ELOVL7: variants seen among roughly 807,000 people sequenced by gnomAD.
ELOVL7 encodes ELOVL fatty acid elongase 7.
In ELOVL7, 27 loss-of-function variants were observed where a neutral mutation model predicts 35.7. That is an observed-to-expected ratio of 0.76 (90% CI 0.56 to 1.04). The LOEUF is 1.04. Ranked by LOEUF, ELOVL7 falls within the 50% of genes least tolerant of loss-of-function variation. The pLI, the probability that ELOVL7 is intolerant of heterozygous loss-of-function variation, is 0.00. For missense variants in ELOVL7, 327 were observed against 340.8 expected, an observed-to-expected ratio of 0.96 and a Z score of 0.32; for synonymous variants, 113 against 114.6, an observed-to-expected ratio of 0.99 and a Z score of 0.09.
At chr5:60,840,150 C>A (rs1561480367) in intron 1 of ELOVL7, among the ~76,000 whole-genome samples, 7 of 152,160 alleles carry the variant, frequency 4.6e-5, no homozygotes, top group Admixed American at 3.3e-4. Context: ...CTTTTATGCA[C>A]ATTTGAAAAC....
intron 7 of ELOVL7, among the ~76,000 whole-genome samples, chr5:60,761,468 A>C (rs938071235): frequency 6.6e-6 from 1 of 152,168 alleles, no homozygotes. Context: ...AGCGCCAAAC[A>C]ACATTTCTGG....
At chr5:60,764,460 A>C (rs1176238819) in intron 6 of ELOVL7, 128 bp from the exon 7 acceptor site, 3 of 718,190 alleles carry the variant, frequency 4.2e-6, no homozygotes, top group Non-Finnish European at 6.9e-6. Context: ...TGCCTTATAG[A>C]ATGCTTACAG....
intron 3 of ELOVL7, among the ~76,000 whole-genome samples, chr5:60,773,559 A>C (rs565510302): frequency 2.0e-5 from 3 of 152,318 alleles, no homozygotes; most frequent in African/African-American, 7.2e-5. Context: ...CCCCTCTCAA[A>C]AAAAATAAAG....
chr5:60,757,577 G>T lies in ELOVL7; in HGVS notation c.568C>A (p.Leu190Ile), dbSNP rs774313366. 4.3e-6 allele frequency: 7 copies of T among 1,613,272 alleles called. No individual in the cohort carries two copies. Among genetic ancestry groups the T allele is most frequent in the Non-Finnish European group, 5.9e-6 (7 of 1,179,414 alleles). The change falls in exon 8 of 9, where the codon CTT becomes ATT. Residue 190 changes from leucine to isoleucine, a missense_variant. Leu to Ile is a conservative substitution (Grantham distance 5). Coordinates refer to ENST00000508821, the MANE Select transcript of ELOVL7 (RefSeq NM_024930.3). ...VHVVMYSYYG[L>I]SALGPAYQKY... ...TGGTAGGCTGGCCCCAATGCAGAAA[G>T]TCCATAGTAGGAATACATGACTACA...
chr5:60,835,400 A>T (rs1746735274), intron 1 of ELOVL7, among the ~76,000 whole-genome samples: 1 of 151,778 alleles, frequency 6.6e-6, no homozygotes, highest in African/African-American at 2.4e-5. Context: ...AGTTTTTACA[A>T]TTTCTGTTTT....
intron 2 of ELOVL7, among the ~76,000 whole-genome samples, chr5:60,794,592 T>C (rs1561447753): frequency 1.3e-5 from 2 of 152,242 alleles, no homozygotes; most frequent in Admixed American, 1.3e-4. Context: ...AGATTTATTC[T>C]AATTCTGCAA....
intron 2 of ELOVL7, among the ~76,000 whole-genome samples, chr5:60,788,041 C>A (rs1743705118): frequency 6.6e-6 from 1 of 152,054 alleles, no homozygotes; most frequent in Admixed American, 6.6e-5. Flanking sequence ...GAGAAACTAG[C>A]CTTATTATGT....
At chr5:60,761,982 A>G (rs368246554) in intron 7 of ELOVL7, among the ~76,000 whole-genome samples, 4 of 152,256 alleles carry the variant, frequency 2.6e-5, no homozygotes, top group African/African-American at 9.6e-5. Flanking sequence ...GTGTGGAGAT[A>G]AATCATATTA....
intron 1 of ELOVL7, among the ~76,000 whole-genome samples, chr5:60,802,117 TACAC>T (rs34511373): frequency 1.2e-3 from 14 of 12,114 alleles, no homozygotes; most frequent in African/African-American, 2.6e-3. Context: ...TATATATATA[TACAC>T]ACACACACAC....
At position 60,761,802 on chromosome 5, in the gene ELOVL7, T is replaced by C. The variant is rs184117390; in HGVS notation, c.499+2425A>G. 4.9e-4 allele frequency among the ~76,000 whole-genome samples: 75 copies of C among 152,234 alleles called. 1 individual carries two copies. The highest frequency in any genetic ancestry group is 6.8e-3 in the Middle Eastern group (2 of 294). ...AGAGTTCTGGTGAATAAATAGTGCATAGTGCTCCTAGAAAAATTGTAGCAG... is the reference window on the plus strand; with the variant it reads ...AGAGTTCTGGTGAATAAATAGTGCACAGTGCTCCTAGAAAAATTGTAGCAG... On this transcript the variant is annotated intron_variant, in intron 7 of 8. Coordinates refer to ENST00000508821, the MANE Select transcript of ELOVL7 (RefSeq NM_024930.3).
At chr5:60,817,403 T>C (rs968743099) in intron 1 of ELOVL7, among the ~76,000 whole-genome samples, 5 of 151,634 alleles carry the variant, frequency 3.3e-5, no homozygotes, top group African/African-American at 1.2e-4. Flanking sequence ...ATCATTTTAC[T>C]TATCAGATTG....
At chr5:60,840,108 T>C (rs1747076612) in intron 1 of ELOVL7, among the ~76,000 whole-genome samples, 1 of 152,160 alleles carries the variant, frequency 6.6e-6, no homozygotes, top group Non-Finnish European at 1.5e-5. Context: ...CTTTCTCAAT[T>C]TGCCTAGAAA....
chr5:60,780,578 C>T (rs536757894), intron 3 of ELOVL7, among the ~76,000 whole-genome samples: 6 of 152,246 alleles, frequency 3.9e-5, no homozygotes, highest in Non-Finnish European at 8.8e-5. Flanking sequence ...TCTCACACTG[C>T]TATGAAGAAA....
chr5:60,766,462 G>A, intron 6 of ELOVL7, 112 bp downstream of exon 6: 1 of 899,232 alleles, frequency 1.1e-6, no homozygotes, highest in Non-Finnish European at 1.7e-6. Flanking sequence ...AATAACCAAA[G>A]TTATCAGACA....
intron 3 of ELOVL7, among the ~76,000 whole-genome samples, chr5:60,776,139 C>G (rs1048268581): frequency 5.3e-5 from 8 of 152,194 alleles, no homozygotes; most frequent in South Asian, 2.1e-4. Context: ...AAATAAATAA[C>G]TTCATTAAAA....
At chr5:60,842,087 A>G (rs1407691665) in intron 1 of ELOVL7, among the ~76,000 whole-genome samples, 3 of 152,216 alleles carry the variant, frequency 2.0e-5, no homozygotes, top group Non-Finnish European at 4.4e-5. Flanking sequence ...TAATGTCCTA[A>G]GCTGTTTGCA....
intron 3 of ELOVL7, among the ~76,000 whole-genome samples, chr5:60,786,688 T>C (rs911596204): frequency 3.3e-5 from 5 of 152,114 alleles, no homozygotes; most frequent in African/African-American, 1.2e-4. Flanking sequence ...GGCTCACACC[T>C]GTAATCCCAG....
intron 4 of ELOVL7, among the ~76,000 whole-genome samples, chr5:60,770,663 A>C (rs529431094): frequency 1.3e-5 from 2 of 152,332 alleles, no homozygotes; most frequent in African/African-American, 2.4e-5. Flanking sequence ...AAAGCAGCAG[A>C]GTGAGTCCAG....
At position 60,771,929 on chromosome 5, in the gene ELOVL7, G is replaced by A; in HGVS notation, c.229C>T (p.Leu77Phe). ...AMITYNFFIV[L>F]FSVYMCYEFV... is the part of the protein sequence containing the mutation. ...TCATAACACATATACACAGAAAAGA[G>A]TACTATGAAAAAATTGTACGTTATC... The change falls in exon 4 of 9, where the codon CTC (leucine) becomes TTC (phenylalanine). Residue 77 changes from leucine to phenylalanine, a missense_variant. Physicochemically the swap from Leu to Phe is conservative, Grantham distance 22. Coordinates refer to ENST00000508821, the MANE Select transcript of ELOVL7 (RefSeq NM_024930.3). 1 of 1,612,940 alleles carries A rather than the reference G, an allele frequency of 6.2e-7. No homozygotes were observed. Among genetic ancestry groups the A allele is most frequent in the South Asian group, 1.1e-5 (1 of 90,896 alleles).
Sources: gnomAD v4.1 joint callset for allele counts (sites outside exome capture counted in the v4.1 genomes callset) on GRCh38, gnomAD v4.1.1 for gene constraint, MANE v1.5 for transcripts, NCBI Gene and HGNC (gene_info 2026-07-23, HGNC 2026-07-21) for gene names.